The following DNA2 variants were observed in gnomAD, a reference collection of about 807,000 sequenced individuals.
DNA2 encodes DNA replication ATP-dependent helicase/nuclease DNA2.
DNA2 carries 101 observed loss-of-function variants against 119.1 expected under a neutral mutation model. The ratio of observed to expected loss-of-function variants is 0.85; its 90% CI spans 0.72 to 1.00. DNA2 has a LOEUF of 1.00. Ranked by LOEUF, DNA2 falls within the 50% of genes least tolerant of loss-of-function variation. DNA2 has a pLI of 0.00. For synonymous variants in DNA2, 366 were observed against 424.4 expected (o/e 0.86, Z 1.69); for missense variants, 1,121 against 1,255.5 (o/e 0.89, Z 1.62).
chr10:68,452,446 T>C (rs1304995934), intron 5 of DNA2, among the ~76,000 whole-genome samples: 1 of 152,178 alleles, frequency 6.6e-6, no homozygotes, highest in Non-Finnish European at 1.5e-5. Flanking sequence ...TATGCTTTTA[T>C]TAAATTAGGC....
chr10:68,461,885 G>A (rs891535282), intron 4 of DNA2, among the ~76,000 whole-genome samples: 3 of 149,858 alleles, frequency 2.0e-5, no homozygotes, highest in Non-Finnish European at 4.4e-5. Context: ...GGCTACAGTG[G>A]GTGATAATTT....
intron 10 of DNA2, 80 bp downstream of exon 10, chr10:68,436,931 T>C (rs1227243489): frequency 1.8e-6 from 2 of 1,142,836 alleles, no homozygotes; most frequent in Non-Finnish European, 2.5e-6. Flanking sequence ...CAGCGAATTG[T>C]ACATTTTAAA....
chr10:68,419,787 G>A lies in DNA2; in HGVS notation c.2787+16C>T, dbSNP rs765347492. On this transcript the variant is annotated intron_variant, in intron 18 of 20. Transcript: ENST00000358410. The stretch of plus-strand genomic sequence containing the variant: ...CTGCACTTTAATATTTGCTAGCCTT[G>A]AAAATTCTAAATTACCTTAACAAAA... 9.4e-6 allele frequency: 15 copies of A among 1,591,136 alleles called. No individual in the cohort carries two copies. The highest frequency in any genetic ancestry group is 1.7e-4 in the Middle Eastern group (1 of 6,046).
In DNA2 at chr10:68,454,092, C is replaced by T. The variant is rs543070672; in HGVS notation, c.720-3845G>A. ...CTTCAACAGATTCTATTATCTCCTT[C>T]TATGCCTTATATGCTGTTAACTGCC... is the stretch of plus-strand genomic sequence containing the variant. On this transcript the variant is annotated intron_variant, in intron 5 of 20. Coordinates refer to ENST00000358410, the MANE Select transcript of DNA2 (RefSeq NM_001080449.3). 5.9e-5 allele frequency among the ~76,000 whole-genome samples: 9 copies of T among 152,268 alleles called. No homozygotes were observed. The East Asian group carries it at 1.7e-3, about 29-fold the overall frequency.
rs915265025 is a variant in DNA2 at position 68,422,693 on chromosome 10, C to T, written c.2402+4G>A. ...TTAAAATTAACACTTAAGTGTCTGC[C>T]TACCTTGCTTCACGGTTTAGCACCA... On this transcript the variant is annotated splice_donor_region_variant and intron_variant, in intron 15 of 20. Transcript: ENST00000358410. The T allele has an allele frequency of 1.9e-6, 3 of 1,613,424 alleles. No homozygotes were observed. The East Asian group carries it at 6.7e-5, about 36-fold the overall frequency.
intron 5 of DNA2, 93 bp downstream of exon 5, chr10:68,459,011 A>C (rs1564895011): frequency 4.4e-6 from 5 of 1,143,720 alleles, no homozygotes; most frequent in Admixed American, 3.5e-5. Flanking sequence ...AATTGTAATT[A>C]CTCAATCTTT....
At chr10:68,457,920 C>T (rs1041876197) in intron 5 of DNA2, among the ~76,000 whole-genome samples, 1 of 152,040 alleles carries the variant, frequency 6.6e-6, no homozygotes, top group African/African-American at 2.4e-5. Flanking sequence ...TGCCCGTAAT[C>T]CCAGCAGGTT....
chr10:68,439,924 G>A (rs1208938514), intron 9 of DNA2, among the ~76,000 whole-genome samples: 1 of 151,908 alleles, frequency 6.6e-6, no homozygotes, highest in African/African-American at 2.4e-5. Flanking sequence ...AGAATCGCTT[G>A]AACCCGGGAG....
intron 6 of DNA2, among the ~76,000 whole-genome samples, chr10:68,446,657 G>A (rs1350964824): frequency 3.9e-5 from 6 of 152,076 alleles, no homozygotes; most frequent in Admixed American, 1.3e-4. Context: ...CAGGCAGATC[G>A]CTTGAGCCCA....
At chr10:68,451,096 T>TAAAAAAA (rs754298528) in intron 5 of DNA2, among the ~76,000 whole-genome samples, 7 of 98,828 alleles carry the variant, frequency 7.1e-5, no homozygotes, top group African/African-American at 1.1e-4. Flanking sequence ...CAAGACTGTC[T>TAAAAAAA]AAAAAAAAAA....
intron 19 of DNA2, among the ~76,000 whole-genome samples, chr10:68,417,266 G>T (rs1225160365): frequency 6.6e-6 from 1 of 151,452 alleles, no homozygotes; most frequent in African/African-American, 2.4e-5. Context: ...GACTATCTGA[G>T]GTAAGAACTG....
chr10:68,462,259 C>A (rs959946245), intron 4 of DNA2, among the ~76,000 whole-genome samples: 1 of 152,080 alleles, frequency 6.6e-6, no homozygotes, highest in African/African-American at 2.4e-5. Context: ...GTAATCCCAG[C>A]TACTCAGGAG....
At chr10:68,464,045 C>T (rs2052295200) in intron 4 of DNA2, among the ~76,000 whole-genome samples, 2 of 152,206 alleles carry the variant, frequency 1.3e-5, no homozygotes. Flanking sequence ...TAGAGAAACA[C>T]ACATTTAGAG....
intron 8 of DNA2, among the ~76,000 whole-genome samples, chr10:68,444,391 AAAAT>A (rs900615390): frequency 5.9e-5 from 9 of 151,576 alleles, no homozygotes; most frequent in Admixed American, 4.6e-4. Context: ...CTGTCTCAAA[AAAAT>A]AAATAAATAA....
At chr10:68,460,607 C>T (rs184757962) in intron 4 of DNA2, among the ~76,000 whole-genome samples, 3 of 152,074 alleles carry the variant, frequency 2.0e-5, no homozygotes, top group Non-Finnish European at 4.4e-5. Flanking sequence ...GGGGTTTCAC[C>T]ATGTTGGCCA....
intron 18 of DNA2, 94 bp from the exon 19 acceptor site, chr10:68,419,307 ACTG>A: frequency 1.0e-6 from 1 of 980,834 alleles, no homozygotes; most frequent in Non-Finnish European, 1.4e-6. Context: ...TATGTGCCCA[ACTG>A]ATGTTTATAA....
intron 9 of DNA2, among the ~76,000 whole-genome samples, chr10:68,441,649 G>A (rs139821157): frequency 0.025 from 3,845 of 152,012 alleles, 146 homozygotes; most frequent in African/African-American, 0.088. Flanking sequence ...AGTGGCAGGC[G>A]CCTGTAATCC....
chr10:68,424,829 CA>C, intron 14 of DNA2: 1 of 894,366 alleles, frequency 1.1e-6, no homozygotes. Context: ...GTGAGTAGGC[CA>C]ACAGCACAAC....
intron 4 of DNA2, among the ~76,000 whole-genome samples, chr10:68,463,564 G>A (rs954163864): frequency 5.9e-5 from 9 of 151,446 alleles, no homozygotes; most frequent in Non-Finnish European, 1.0e-4. Context: ...TCAGATACTC[G>A]GGAGGGTGAG....
Sources: allele counts gnomAD v4.1 joint callset (sites outside exome capture counted in the v4.1 genomes callset), GRCh38; gene constraint gnomAD v4.1.1; transcripts MANE v1.5; gene names NCBI Gene and HGNC (gene_info 2026-07-23, HGNC 2026-07-21).